SGCZ: variants seen among roughly 807,000 people sequenced by gnomAD.
The protein encoded by SGCZ is sarcoglycan zeta.
SGCZ carries 40 observed loss-of-function variants against 41.3 expected under a neutral mutation model. That is an observed-to-expected ratio of 0.97 (90% CI 0.75 to 1.26). SGCZ has a LOEUF of 1.26. SGCZ is among the 50% of genes most tolerant of loss of function. The pLI is 0.00. For synonymous variants in SGCZ, 206 were observed against 137.5 expected, an observed-to-expected ratio of 1.50 and a Z score of -3.49; for missense variants, 552 against 369.8, an observed-to-expected ratio of 1.49 and a Z score of -4.04.
At chr8:14,762,752 G>A (rs1027082958) in intron 1 of SGCZ, among the ~76,000 whole-genome samples, 7 of 152,146 alleles carry the variant, frequency 4.6e-5, no homozygotes, top group Admixed American at 2.6e-4. Flanking sequence ...TTCAGTTCAC[G>A]TTGATCTTTT....
Position 14,977,713 on chromosome 8 carries a change from C to T in SGCZ, c.39+259872G>A, listed in dbSNP as rs947056865. Among the ~76,000 whole-genome samples the T allele has an allele frequency of 3.3e-5, 5 of 152,056 alleles. No individual in the cohort carries two copies. The East Asian group carries it at 5.8e-4, about 18-fold the overall frequency. On this transcript the variant is annotated intron_variant, in intron 1 of 7. Coordinates refer to ENST00000382080, the MANE Select transcript of SGCZ (RefSeq NM_139167.4). ...TTTTGAGAAAAGTTCAATCCCAAGA[C>T]TCAAAACTCTCTCCCTACATATTTT... is the stretch of plus-strand genomic sequence containing the variant.
At chr8:14,385,389 C>T (rs752526972) in intron 2 of SGCZ, among the ~76,000 whole-genome samples, 2 of 152,134 alleles carry the variant, frequency 1.3e-5, no homozygotes, top group African/African-American at 4.8e-5. Context: ...CCACTAGGGT[C>T]AAGCAATTAA....
chr8:14,172,872 A>G (rs1301758165), intron 4 of SGCZ, among the ~76,000 whole-genome samples: 3 of 152,132 alleles, frequency 2.0e-5, no homozygotes, highest in Admixed American at 6.5e-5. Context: ...AAAAGGCTGC[A>G]TTGTACATGG....
chr8:14,875,126 C>T (rs1473744979), intron 1 of SGCZ, among the ~76,000 whole-genome samples: 1 of 152,086 alleles, frequency 6.6e-6, no homozygotes, highest in African/African-American at 2.4e-5. Flanking sequence ...AATTCAAGCA[C>T]AAGGTGCCAG....
chr8:14,679,282 T>C (rs1371249559), intron 1 of SGCZ, among the ~76,000 whole-genome samples: 1 of 152,038 alleles, frequency 6.6e-6, no homozygotes, highest in African/African-American at 2.4e-5. Flanking sequence ...ACATATTTTT[T>C]TTAAAGTTAA....
At chr8:15,103,991 T>A (rs765853402) in intron 1 of SGCZ, among the ~76,000 whole-genome samples, 3 of 152,170 alleles carry the variant, frequency 2.0e-5, no homozygotes, top group Non-Finnish European at 4.4e-5. Flanking sequence ...GTACGCTGGA[T>A]AAGGGATAAC....
chr8:14,326,316 C>T (rs73664304), intron 2 of SGCZ, among the ~76,000 whole-genome samples: 121 of 151,798 alleles, frequency 8.0e-4, no homozygotes, highest in African/African-American at 2.7e-3. Flanking sequence ...AATGGCCTAA[C>T]CCCTCCAAAA....
chr8:14,680,128 T>C lies in SGCZ; in HGVS notation c.40-125202A>G, dbSNP rs143963965. Among the ~76,000 whole-genome samples, 1,080 of 152,222 alleles carry C rather than the reference T, an allele frequency of 7.1e-3. 5 individuals carry two copies. Among genetic ancestry groups the C allele is most frequent in the Non-Finnish European group, 0.012 (822 of 67,980 alleles). The stretch of plus-strand genomic sequence containing the variant: ...CACTGTGAAGTCATGCATGACTATA[T>C]GTGATATTCTGGAAAGTGCAACGTT... On this transcript the variant is annotated intron_variant, in intron 1 of 7. Coordinates refer to ENST00000382080, the MANE Select transcript of SGCZ (RefSeq NM_139167.4).
chr8:15,193,838 C>T (rs10090635), intron 1 of SGCZ, among the ~76,000 whole-genome samples: 7 of 152,094 alleles, frequency 4.6e-5, no homozygotes, highest in Admixed American at 2.6e-4. Flanking sequence ...TCACAAACCA[C>T]GTTCTACTTA....
At chr8:14,303,334 T>C (rs1801254182) in intron 3 of SGCZ, among the ~76,000 whole-genome samples, 1 of 152,112 alleles carries the variant, frequency 6.6e-6, no homozygotes, top group Non-Finnish European at 1.5e-5. Flanking sequence ...AGGTTAGGGT[T>C]ACTTTGAAGA....
chr8:14,242,142 G>C (rs556641545), intron 3 of SGCZ, among the ~76,000 whole-genome samples: 19 of 152,240 alleles, frequency 1.2e-4, no homozygotes, highest in African/African-American at 3.9e-4. Context: ...TGGTGTGACA[G>C]ATATTTCCTT....
chr8:14,771,715 G>A (rs1346674410), intron 1 of SGCZ, among the ~76,000 whole-genome samples: 1 of 152,022 alleles, frequency 6.6e-6, no homozygotes, highest in East Asian at 1.9e-4. Context: ...TTCTCTTCAC[G>A]AAGATAAGAT....
At chr8:14,328,237 G>T (rs1230681383) in intron 2 of SGCZ, among the ~76,000 whole-genome samples, 1 of 152,124 alleles carries the variant, frequency 6.6e-6, no homozygotes, top group East Asian at 1.9e-4. Context: ...CCTTCTGCAA[G>T]AGCATTATAA....
At chr8:14,528,611 C>T (rs1172053635) in intron 2 of SGCZ, among the ~76,000 whole-genome samples, 2 of 151,844 alleles carry the variant, frequency 1.3e-5, no homozygotes, top group Non-Finnish European at 2.9e-5. Flanking sequence ...TTTGATCCTC[C>T]AAATCCCCTG....
At chr8:15,191,134 C>T (rs1053388138) in intron 1 of SGCZ, among the ~76,000 whole-genome samples, 1 of 151,978 alleles carries the variant, frequency 6.6e-6, no homozygotes, top group African/African-American at 2.4e-5. Flanking sequence ...TTGTGCAGTG[C>T]ATATAAAAAA....
intron 2 of SGCZ, among the ~76,000 whole-genome samples, chr8:14,412,767 A>G (rs1335534124): frequency 6.6e-6 from 1 of 151,876 alleles, no homozygotes; most frequent in Non-Finnish European, 1.5e-5. Context: ...TGCGCACGTG[A>G]CAAGGTATCA....
chr8:14,579,805 C>G (rs191695751), intron 1 of SGCZ, among the ~76,000 whole-genome samples: 2 of 152,300 alleles, frequency 1.3e-5, no homozygotes, highest in Admixed American at 6.5e-5. Flanking sequence ...TCATAATTTT[C>G]TCTTGATTCC....
intron 4 of SGCZ, among the ~76,000 whole-genome samples, chr8:14,171,400 T>G (rs1202177006): frequency 1.3e-5 from 2 of 152,032 alleles, no homozygotes; most frequent in Non-Finnish European, 2.9e-5. Flanking sequence ...TTTTTATGCA[T>G]CTTTCCTCTA....
chr8:14,705,203 T>C (rs927247603), intron 1 of SGCZ, among the ~76,000 whole-genome samples: 2 of 151,878 alleles, frequency 1.3e-5, no homozygotes, highest in Non-Finnish European at 2.9e-5. Flanking sequence ...TAGTTGAATA[T>C]TTTTGGTGGT....
Sources: gnomAD v4.1 joint callset for allele counts (sites outside exome capture counted in the v4.1 genomes callset) on GRCh38, gnomAD v4.1.1 for gene constraint, MANE v1.5 for transcripts, NCBI Gene and HGNC (gene_info 2026-07-23, HGNC 2026-07-21) for gene names.